PTPRT: variants seen among roughly 807,000 people sequenced by gnomAD.
PTPRT encodes protein tyrosine phosphatase receptor type T, also known as receptor-type tyrosine-protein phosphatase T.
In PTPRT, 56 loss-of-function variants were observed where a neutral mutation model predicts 176.8. The ratio of observed to expected loss-of-function variants is 0.32; its 90% CI spans 0.26 to 0.40. The LOEUF is 0.40. PTPRT is among the 10% of genes least tolerant of loss of function. PTPRT has a pLI of 1.00. For synonymous variants in PTPRT, 783 were observed against 739.0 expected, an observed-to-expected ratio of 1.06 and a Z score of -0.96; for missense variants, 1,540 against 1,908.2, an observed-to-expected ratio of 0.81 and a Z score of 3.60.
At chr20:42,879,528 G>A (rs6130241) in intron 2 of PTPRT, among the ~76,000 whole-genome samples, 7,631 of 152,244 alleles carry the variant, frequency 0.05, 355 homozygotes, top group East Asian at 0.25. Flanking sequence ...AATTAAGTGT[G>A]ACATTTACAG....
At chr20:42,116,015 T>G in intron 21 of PTPRT, 1 of 718,578 alleles carries the variant, frequency 1.4e-6, no homozygotes, top group Non-Finnish European at 2.6e-6. Flanking sequence ...GGTTTTCCCC[T>G]TAAAAGAACA....
At chr20:42,363,232 C>T (rs923870614) in intron 9 of PTPRT, among the ~76,000 whole-genome samples, 1 of 140,080 alleles carries the variant, frequency 7.1e-6, no homozygotes, top group African/African-American at 2.6e-5. Flanking sequence ...AAAGGCACAC[C>T]CCTCCACCCC....
At chr20:43,081,387 T>TTTTCACA (rs72011531) in intron 1 of PTPRT, among the ~76,000 whole-genome samples, 2 of 152,174 alleles carry the variant, frequency 1.3e-5, no homozygotes, top group African/African-American at 4.8e-5. Context: ...TTCATAAGAG[T>TTTTCACA]TTTCACATTT....
chr20:42,837,021 G>A (rs774153888), intron 2 of PTPRT, among the ~76,000 whole-genome samples: 22 of 152,178 alleles, frequency 1.4e-4, no homozygotes, highest in South Asian at 4.1e-4. Context: ...CTGCCGCACC[G>A]CATGGTTTCC....
intron 7 of PTPRT, among the ~76,000 whole-genome samples, chr20:42,610,937 G>C (rs1278149618): frequency 7.0e-6 from 1 of 143,268 alleles, no homozygotes; most frequent in African/African-American, 2.7e-5. Flanking sequence ...CTAGTCTTTC[G>C]TGTCTGACTT....
intron 7 of PTPRT, among the ~76,000 whole-genome samples, chr20:42,612,030 T>TG (rs2145826691): frequency 6.6e-6 from 1 of 152,252 alleles, no homozygotes; most frequent in South Asian, 2.1e-4. Context: ...CATGGGCCCT[T>TG]GGTCGTGAGT....
intron 2 of PTPRT, among the ~76,000 whole-genome samples, chr20:42,832,249 T>G (rs558121232): frequency 6.6e-6 from 1 of 152,280 alleles, no homozygotes; most frequent in South Asian, 2.1e-4. Flanking sequence ...CTAAGCAAAC[T>G]AATGCAGAAA....
chr20:42,702,284 G>A (rs2075984914), intron 6 of PTPRT, among the ~76,000 whole-genome samples: 2 of 152,146 alleles, frequency 1.3e-5, no homozygotes, highest in Admixed American at 1.3e-4. Flanking sequence ...GTGTCTCCAT[G>A]TTGTTGGGCC....
intron 9 of PTPRT, among the ~76,000 whole-genome samples, chr20:42,447,307 T>G (rs1346591327): frequency 6.6e-6 from 1 of 152,028 alleles, no homozygotes. Context: ...CCACCTTTAT[T>G]TTACAGGTGA....
intron 1 of PTPRT, among the ~76,000 whole-genome samples, chr20:43,002,986 G>T (rs1984661329): frequency 6.6e-6 from 1 of 151,640 alleles, no homozygotes; most frequent in Admixed American, 6.6e-5. Flanking sequence ...TCATCAAAGA[G>T]AAAATAAAAT....
At chr20:42,575,851 G>A (rs955986920) in intron 7 of PTPRT, among the ~76,000 whole-genome samples, 1 of 152,066 alleles carries the variant, frequency 6.6e-6, no homozygotes, top group Middle Eastern at 3.2e-3. Flanking sequence ...ACAATCTTCT[G>A]TTGCCTAGAT....
At chr20:42,214,061 G>A (rs1220264221) in intron 15 of PTPRT, among the ~76,000 whole-genome samples, 1 of 152,144 alleles carries the variant, frequency 6.6e-6, no homozygotes, top group African/African-American at 2.4e-5. Context: ...GAGGCCAGGA[G>A]TATTATTAGT....
In PTPRT at chr20:43,050,489, C is replaced by T. The variant is rs58778619; in HGVS notation, c.88+139157G>A. On this transcript the variant is annotated intron_variant, in intron 1 of 30. Transcript: ENST00000373187. ...CTACCACCAGCTCTCCCTCATACGG[C>T]GTCTCTGCTCATTGACAGACCCAGC... is the stretch of plus-strand genomic sequence containing the variant. 8.9e-4 allele frequency among the ~76,000 whole-genome samples: 136 copies of T among 152,278 alleles called. No individual in the cohort carries two copies. In the East Asian group the frequency reaches 0.01, roughly 11 times the overall value.
chr20:42,297,855 C>T (rs2057410479), intron 12 of PTPRT, among the ~76,000 whole-genome samples: 1 of 152,206 alleles, frequency 6.6e-6, no homozygotes, highest in African/African-American at 2.4e-5. Context: ...TAATTTACAT[C>T]ACACACAAAA....
intron 1 of PTPRT, among the ~76,000 whole-genome samples, chr20:43,069,604 G>A (rs373560320): frequency 2.6e-5 from 4 of 152,266 alleles, no homozygotes; most frequent in African/African-American, 9.6e-5. Context: ...ATTATTTCTG[G>A]TATGACAAGG....
intron 6 of PTPRT, among the ~76,000 whole-genome samples, chr20:42,723,269 A>G (rs967749646): frequency 7.2e-5 from 11 of 152,134 alleles, no homozygotes; most frequent in African/African-American, 2.4e-4. Context: ...CATTTTGCCA[A>G]TATTAAAGAA....
intron 7 of PTPRT, among the ~76,000 whole-genome samples, chr20:42,535,657 T>A (rs1286170588): frequency 6.6e-6 from 1 of 152,164 alleles, no homozygotes; most frequent in Non-Finnish European, 1.5e-5. Context: ...AAGGGCCTCA[T>A]GGCCTCAGGG....
intron 7 of PTPRT, among the ~76,000 whole-genome samples, chr20:42,571,559 G>A (rs1451712557): frequency 6.6e-6 from 1 of 152,210 alleles, no homozygotes; most frequent in Non-Finnish European, 1.5e-5. Context: ...AGCAGCAAGA[G>A]AAAACTAATC....
At chr20:42,852,939 T>C (rs936643887) in intron 2 of PTPRT, among the ~76,000 whole-genome samples, 1 of 152,278 alleles carries the variant, frequency 6.6e-6, no homozygotes, top group Admixed American at 6.5e-5. Context: ...GCTAGCATAC[T>C]TGAGGAGTCA....
Sources: allele counts gnomAD v4.1 joint callset (sites outside exome capture counted in the v4.1 genomes callset), GRCh38; gene constraint gnomAD v4.1.1; transcripts MANE v1.5; gene names NCBI Gene and HGNC (gene_info 2026-07-23, HGNC 2026-07-21).